Variants in NUB1 observed in about 807,000 individuals in gnomAD.
NUB1 encodes the protein negative regulator of ubiquitin like proteins 1.
Under a neutral mutation model 77.1 loss-of-function variants are expected in NUB1, and 41 were observed. The ratio of observed to expected loss-of-function variants is 0.53; its 90% CI spans 0.41 to 0.69. The LOEUF is 0.69. Among genes scored for constraint, NUB1 ranks in the 30% least tolerant of loss-of-function variants. NUB1 has a pLI of 0.00. For synonymous variants in NUB1, 257 were observed against 281.0 expected, an observed-to-expected ratio of 0.91 and a Z score of 0.85; for missense variants, 643 against 743.8, an observed-to-expected ratio of 0.86 and a Z score of 1.58.
In NUB1 at chr7:151,355,810, C is replaced by G. The variant is rs952178410; in HGVS notation, c.458C>G (p.Ala153Gly). The change falls in exon 6 of 15, where the codon GCG becomes GGG. Residue 153 changes from alanine to glycine, a missense_variant. Physicochemically the swap from Ala to Gly is moderately conservative, Grantham distance 60. Coordinates refer to ENST00000568733, the MANE Select transcript of NUB1 (RefSeq NM_001243351.2). ...CAAGGCGTGGCTCACAATGTGAAAG[C>G]GATGGTGCTTGAACTAAAACAATCT... ...EEQGVAHNVKAMVLELKQSEE... is the reference protein window; with the variant it reads ...EEQGVAHNVKGMVLELKQSEE... 1.2e-6 allele frequency: 2 copies of G among 1,607,558 alleles called. No homozygotes were observed. Among genetic ancestry groups the G allele is most frequent in the Non-Finnish European group, 1.7e-6 (2 of 1,176,814 alleles).
chr7:151,343,904 A>G (rs1451640433), intron 1 of NUB1, among the ~76,000 whole-genome samples: 1 of 152,078 alleles, frequency 6.6e-6, no homozygotes, highest in Non-Finnish European at 1.5e-5. Context: ...TAGTAGGGCC[A>G]GGCGCGGTGG....
In NUB1 at chr7:151,371,702, G is replaced by A. The variant is rs1382339458; in HGVS notation, c.1249-2395G>A. ...AATCTGCTGCCCTCGGAGTTCCAACGTTCTAGGTATGAGCATCTGACTGAG... is the reference window on the plus strand; with the variant it reads ...AATCTGCTGCCCTCGGAGTTCCAACATTCTAGGTATGAGCATCTGACTGAG... On this transcript the variant is annotated intron_variant, in intron 11 of 14. Coordinates refer to ENST00000568733, the MANE Select transcript of NUB1 (RefSeq NM_001243351.2). Among the ~76,000 whole-genome samples the A allele has an allele frequency of 2.0e-5, 3 of 152,280 alleles. No individual in the cohort carries two copies. The East Asian group carries it at 5.8e-4, about 29-fold the overall frequency.
chr7:151,372,445 C>A (rs944980758), intron 11 of NUB1, among the ~76,000 whole-genome samples: 1 of 152,218 alleles, frequency 6.6e-6, no homozygotes, highest in Non-Finnish European at 1.5e-5. Context: ...TGGCTGGCAG[C>A]GTCCTTCTCT....
intron 14 of NUB1, 110 bp downstream of exon 14, chr7:151,376,921 G>A (rs954562844): frequency 2.1e-5 from 30 of 1,433,328 alleles, no homozygotes; most frequent in African/African-American, 1.0e-4. Context: ...GTCCCCTGAC[G>A]TCACCGGGCC....
chr7:151,363,244 A>T (rs1797470071), intron 8 of NUB1, among the ~76,000 whole-genome samples: 1 of 152,224 alleles, frequency 6.6e-6, no homozygotes, highest in Admixed American at 6.5e-5. Context: ...CCATCTGCTG[A>T]AGAAGGCAGA....
intron 1 of NUB1, 146 bp downstream of exon 1, chr7:151,341,992 C>T (rs1034635272): frequency 1.5e-5 from 19 of 1,246,318 alleles, no homozygotes; most frequent in African/African-American, 3.2e-5. Flanking sequence ...GGAGCTGGGC[C>T]GGGGCCGGGG....
intron 1 of NUB1, among the ~76,000 whole-genome samples, chr7:151,344,558 C>G: frequency 6.6e-6 from 1 of 151,678 alleles, no homozygotes; most frequent in East Asian, 1.9e-4. Flanking sequence ...CTGACCTCAG[C>G]TCCTGAACTC....
intron 3 of NUB1, among the ~76,000 whole-genome samples, chr7:151,349,453 A>G (rs1796683684): frequency 1.3e-5 from 2 of 152,248 alleles, no homozygotes; most frequent in African/African-American, 2.4e-5. Context: ...TTGGGCTTCT[A>G]AAATGCCACA....
intron 2 of NUB1, among the ~76,000 whole-genome samples, chr7:151,348,347 G>A (rs1796603753): frequency 6.6e-6 from 1 of 150,448 alleles, no homozygotes; most frequent in Admixed American, 6.6e-5. Flanking sequence ...AACTTGATTT[G>A]TTCTCACAAG....
chr7:151,359,657 G>A lies in NUB1; in HGVS notation c.694-484G>A, dbSNP rs539274499. On this transcript the variant is annotated intron_variant, in intron 7 of 14. Coordinates refer to ENST00000568733, the MANE Select transcript of NUB1 (RefSeq NM_001243351.2). ...CCGGGCATGGTGGCTCATGCCTGTA[G>A]TCCTAGCTGCTCGGCAGGCTGAGGC... Among the ~76,000 whole-genome samples the A allele has an allele frequency of 7.2e-5, 11 of 152,052 alleles. No homozygotes were observed. The East Asian group carries it at 2.1e-3, about 29-fold the overall frequency.
chr7:151,348,712 C>T (rs745541978), intron 2 of NUB1, among the ~76,000 whole-genome samples: 3 of 151,028 alleles, frequency 2.0e-5, no homozygotes, highest in Non-Finnish European at 4.4e-5. Context: ...AGTAGCTGGG[C>T]CTACAGGCAC....
intron 12 of NUB1, among the ~76,000 whole-genome samples, chr7:151,375,102 G>A (rs1798153971): frequency 6.6e-6 from 1 of 152,138 alleles, no homozygotes; most frequent in Admixed American, 6.5e-5. Flanking sequence ...GCGGGTGTGG[G>A]TGCAGCAGGC....
chr7:151,365,958 G>A (rs1459820160), intron 8 of NUB1, among the ~76,000 whole-genome samples: 1 of 151,976 alleles, frequency 6.6e-6, no homozygotes, highest in African/African-American at 2.4e-5. Context: ...GGATTTTGTA[G>A]TTTTATACAA....
At chr7:151,347,354 G>A (rs181741630) in intron 2 of NUB1, among the ~76,000 whole-genome samples, 152 of 152,036 alleles carry the variant, frequency 1.0e-3, no homozygotes, top group Non-Finnish European at 1.6e-3. Flanking sequence ...GTATGCTATG[G>A]TCCCACCTGT....
At chr7:151,372,656 G>A (rs1200686954) in intron 11 of NUB1, among the ~76,000 whole-genome samples, 1 of 152,194 alleles carries the variant, frequency 6.6e-6, no homozygotes, top group Non-Finnish European at 1.5e-5. Context: ...TCGAAGCATT[G>A]TTGGGGCCAG....
At position 151,374,135 on chromosome 7, in the gene NUB1, A is replaced by G; in HGVS notation, c.1287A>G (p.Lys429=). 3.2e-6 allele frequency: 5 copies of G among 1,571,102 alleles called. No individual in the cohort carries two copies. Among genetic ancestry groups the G allele is most frequent in the Non-Finnish European group, 4.3e-6 (5 of 1,158,726 alleles). ...AQIRKEEKEK[K]RRRLENIRFL... is the part of the protein sequence containing the mutation. ...TAAGGAAGGAGGAAAAAGAGAAGAA[A>G]AGACGCCGCCTCGAGAACATCAGGT... is the stretch of plus-strand genomic sequence containing the variant. The change falls in exon 12 of 15, where the codon AAA becomes AAG. Residue 429 remains lysine, a synonymous_variant. Transcript: ENST00000568733.
At chr7:151,369,385 C>G (rs529734937) in intron 11 of NUB1, among the ~76,000 whole-genome samples, 4 of 152,156 alleles carry the variant, frequency 2.6e-5, no homozygotes, top group African/African-American at 9.7e-5. Flanking sequence ...TGGTGGCAAA[C>G]GGTCCCCTCT....
intron 13 of NUB1, chr7:151,376,212 C>G (rs998513432): frequency 3.1e-5 from 15 of 483,080 alleles, no homozygotes; most frequent in Non-Finnish European, 5.7e-5. Context: ...TTGCATCAGC[C>G]TCATTTCTCT....
At position 151,360,146 on chromosome 7, in the gene NUB1, T is replaced by A. The variant is rs776867359; in HGVS notation, c.699T>A (p.Leu233=). ...IRIPPSERKA[L]MLAMGYHEKG... is the part of the protein sequence containing the mutation. ...AAATTTGTATTTTTTCCTAGGCCCT[T>A]ATGTTAGCTATGGGATATCATGAGA... The change falls in exon 8 of 15, where the codon CTT becomes CTA. Residue 233 remains leucine, a synonymous_variant. Coordinates refer to ENST00000568733, the MANE Select transcript of NUB1 (RefSeq NM_001243351.2). The A allele has an allele frequency of 6.5e-7, 1 of 1,546,334 alleles. No individual in the cohort carries two copies. Among genetic ancestry groups the A allele is most frequent in the Non-Finnish European group, 8.9e-7 (1 of 1,121,310 alleles).
Sources: gnomAD v4.1 joint callset for allele counts (sites outside exome capture counted in the v4.1 genomes callset) on GRCh38, gnomAD v4.1.1 for gene constraint, MANE v1.5 for transcripts, NCBI Gene and HGNC (gene_info 2026-07-23, HGNC 2026-07-21) for gene names.